ATP8B4: variants seen among roughly 807,000 people sequenced by gnomAD.
ATP8B4 encodes the protein probable phospholipid-transporting ATPase IM.
In ATP8B4, 133 loss-of-function variants were observed where a neutral mutation model predicts 145.6. That is an observed-to-expected ratio of 0.91 (90% CI 0.79 to 1.05). ATP8B4 has a LOEUF of 1.05. Among genes scored for constraint, ATP8B4 ranks in the 50% least tolerant of loss-of-function variants. ATP8B4 has a pLI of 0.00. For synonymous variants in ATP8B4, 507 were observed against 492.9 expected, an observed-to-expected ratio of 1.03 and a Z score of -0.38; for missense variants, 1,458 against 1,425.2, an observed-to-expected ratio of 1.02 and a Z score of -0.37.
chr15:49,929,765 T>G (rs2041085457), intron 16 of ATP8B4, among the ~76,000 whole-genome samples: 1 of 150,764 alleles, frequency 6.6e-6, no homozygotes, highest in Non-Finnish European at 1.5e-5. Context: ...AAAACAGGAG[T>G]GTCAAGAAAA....
rs1566884525 is a variant in ATP8B4, at chr15:49,861,468, A to ACC, written c.3297+776_3297+777insGG. On this transcript the variant is annotated intron_variant, in intron 27 of 27. Coordinates refer to ENST00000284509, the MANE Select transcript of ATP8B4 (RefSeq NM_024837.4). ...TGTCTGTCTGTCTATCTATCTATCT[A>ACC]TCTATCTACCTACCTACCTACCTAC... 9.7e-3 allele frequency among the ~76,000 whole-genome samples: 1,446 copies of ACC among 148,614 alleles called. 37 individuals carry two copies. The highest frequency in any genetic ancestry group is 0.035 in the African/African-American group (1,371 of 39,528).
At chr15:50,095,509 C>A (rs964853449) in intron 2 of ATP8B4, among the ~76,000 whole-genome samples, 2 of 152,174 alleles carry the variant, frequency 1.3e-5, no homozygotes, top group African/African-American at 4.8e-5. Context: ...TAATTGTTAA[C>A]ACTTTAGGAG....
At chr15:50,176,430 T>A (rs1373773584) in intron 1 of ATP8B4, among the ~76,000 whole-genome samples, 1 of 152,042 alleles carries the variant, frequency 6.6e-6, no homozygotes, top group Non-Finnish European at 1.5e-5. Flanking sequence ...ACTGCTCAGG[T>A]CATGGGTGCA....
intron 2 of ATP8B4, among the ~76,000 whole-genome samples, chr15:50,103,283 C>A (rs550510253): frequency 6.6e-6 from 1 of 152,118 alleles, no homozygotes; most frequent in Admixed American, 6.5e-5. Context: ...GCATCCAAAT[C>A]AGTAAAGAGG....
intron 25 of ATP8B4, among the ~76,000 whole-genome samples, chr15:49,875,306 C>T (rs1469147027): frequency 1.3e-5 from 2 of 152,108 alleles, no homozygotes; most frequent in Non-Finnish European, 2.9e-5. Flanking sequence ...CTTGGAGTAC[C>T]GAGGAACAGG....
chr15:49,982,859 A>G (rs16953000), intron 10 of ATP8B4, among the ~76,000 whole-genome samples: 24,225 of 152,160 alleles, frequency 0.16, 2,170 homozygotes, highest in African/African-American at 0.23. Flanking sequence ...TGGTGTTATC[A>G]TCAATATCCT....
chr15:49,959,847 C>A (rs1316008662), intron 14 of ATP8B4, among the ~76,000 whole-genome samples: 2 of 151,794 alleles, frequency 1.3e-5, no homozygotes, highest in Non-Finnish European at 2.9e-5. Flanking sequence ...TAAGAAGATT[C>A]AACATCATAA....
chr15:50,015,599 TA>T (rs1278266641), intron 6 of ATP8B4, among the ~76,000 whole-genome samples: 1 of 152,206 alleles, frequency 6.6e-6, no homozygotes, highest in African/African-American at 2.4e-5. Context: ...TCCCAGCATT[TA>T]AAACCAGTTG....
intron 1 of ATP8B4, among the ~76,000 whole-genome samples, chr15:50,141,082 T>A (rs2044201702): frequency 1.3e-5 from 2 of 152,084 alleles, no homozygotes; most frequent in Admixed American, 1.3e-4. Flanking sequence ...CGCACCTGCC[T>A]CCAGGGCCCA....
intron 16 of ATP8B4, among the ~76,000 whole-genome samples, chr15:49,923,902 G>C (rs1349207942): frequency 6.6e-6 from 1 of 152,096 alleles, no homozygotes; most frequent in East Asian, 1.9e-4. Context: ...TCAGTGCTAT[G>C]CTAAATCATC....
At chr15:49,886,670 TC>T (rs1351689003) in intron 23 of ATP8B4, among the ~76,000 whole-genome samples, 4 of 152,252 alleles carry the variant, frequency 2.6e-5, no homozygotes, top group African/African-American at 9.6e-5. Context: ...CACTGTTCAC[TC>T]TAATTCTGGT....
chr15:50,035,535 C>T (rs2050770273), intron 6 of ATP8B4, among the ~76,000 whole-genome samples: 3 of 152,120 alleles, frequency 2.0e-5, no homozygotes, highest in African/African-American at 7.2e-5. Flanking sequence ...CCTTAATCTC[C>T]TCATCTTTAA....
chr15:50,023,272 A>C (rs145766113), intron 6 of ATP8B4, among the ~76,000 whole-genome samples: 1 of 152,344 alleles, frequency 6.6e-6, no homozygotes, highest in Non-Finnish European at 1.5e-5. Flanking sequence ...TAATCACAAG[A>C]GCCACTACTG....
chr15:50,126,231 C>T (rs950763244), intron 1 of ATP8B4, among the ~76,000 whole-genome samples: 12 of 123,094 alleles, frequency 9.7e-5, no homozygotes, highest in African/African-American at 4.1e-4. Flanking sequence ...TCCTAACAAG[C>T]TAACAGTCCA....
intron 20 of ATP8B4, among the ~76,000 whole-genome samples, chr15:49,910,495 A>G (rs1229873346): frequency 6.6e-6 from 1 of 152,212 alleles, no homozygotes; most frequent in Non-Finnish European, 1.5e-5. Flanking sequence ...CAGGAGGCCC[A>G]GCAATCCCCA....
intron 6 of ATP8B4, among the ~76,000 whole-genome samples, chr15:50,016,487 T>C (rs1266869997): frequency 7.9e-5 from 12 of 152,180 alleles, no homozygotes; most frequent in South Asian, 2.1e-4. Flanking sequence ...GCAAGTTCTC[T>C]TGGGATTAAC....
intron 1 of ATP8B4, among the ~76,000 whole-genome samples, chr15:50,178,502 CTGTT>C (rs1271713027): frequency 6.6e-6 from 1 of 151,964 alleles, no homozygotes; most frequent in African/African-American, 2.4e-5. Context: ...TTATTTTTAT[CTGTT>C]TGTGAGAATT....
Position 49,898,091 on chromosome 15 carries a change from G to A in ATP8B4, c.2450C>T (p.Ala817Val), listed in dbSNP as rs1226310863. 5.0e-6 allele frequency: 8 copies of A among 1,613,582 alleles called. No individual in the cohort carries two copies. The Admixed American group carries it at 5.0e-5, about 10-fold the overall frequency. Residue 817 changes from alanine to valine, a missense_variant, in exon 22 of 28, where the codon GCC becomes GTC. Coordinates refer to ENST00000284509, the MANE Select transcript of ATP8B4 (RefSeq NM_024837.4). ...ACTTTTAATCATGCTGACATCATTG[G>A]CTCCATCACCAATGGCCAAAGTAAC... The part of the protein sequence containing the change: ...NAVTLAIGDG[A>V]NDVSMIKSAH...
chr15:50,044,654 G>A lies in ATP8B4; in HGVS notation c.240C>T (p.Thr80=), dbSNP rs1479913395. ...TTATCACCAGGACCAAAGGCACAAT[G>A]GTGGTAAACCAGGTCAAGGAGGAAA... ...PEISSLTWFT[T]IVPLVLVITM... Residue 80 remains threonine (T), a synonymous_variant, in exon 5 of 28, where the codon ACC becomes ACT. Transcript: ENST00000284509. 6 of 1,613,136 alleles carry A rather than the reference G, an allele frequency of 3.7e-6. No individual in the cohort carries two copies. The highest frequency in any genetic ancestry group is 5.1e-6 in the Non-Finnish European group (6 of 1,179,526).
Sources: gnomAD v4.1 joint callset for allele counts (sites outside exome capture counted in the v4.1 genomes callset) on GRCh38, gnomAD v4.1.1 for gene constraint, MANE v1.5 for transcripts, NCBI Gene and HGNC (gene_info 2026-07-23, HGNC 2026-07-21) for gene names.